The following TMEM272 variants were observed in gnomAD, a reference collection of about 807,000 sequenced individuals.
TMEM272 encodes the protein transmembrane protein 272.
TMEM272 carries 8 observed loss-of-function variants against 3.7 expected under a neutral mutation model. The ratio of observed to expected loss-of-function variants is 2.17; its 90% CI spans 1.27 to 3.91. TMEM272 has a LOEUF of 3.91. Ranked by LOEUF, TMEM272 falls within the 30% of genes most tolerant of loss-of-function variation. The probability of loss-of-function intolerance (pLI) is 0.00; values close to 1 mark genes in which losing one functional copy is unlikely to be tolerated. For synonymous variants in TMEM272, 63 were observed against 39.8 expected, an observed-to-expected ratio of 1.58 and a Z score of -2.20; for missense variants, 166 against 91.5, an observed-to-expected ratio of 1.81 and a Z score of -3.32.
At chr13:51,825,553 C>G (rs1315986860) in intron 3 of TMEM272, among the ~76,000 whole-genome samples, 1 of 151,888 alleles carries the variant, frequency 6.6e-6, no homozygotes, top group Non-Finnish European at 1.5e-5. Context: ...AACTCCTATG[C>G]TCTTTTACTT....
the TMEM272 span, chr13:51,908,952 C>T: frequency 2.2e-6 from 3 of 1,383,586 alleles, no homozygotes; most frequent in African/African-American, 2.8e-5. Context: ...CCCTGGGCCT[C>T]TTGGGTCTCT....
chr13:51,894,587 G>A, the TMEM272 span, among the ~76,000 whole-genome samples: 5 of 152,284 alleles, frequency 3.3e-5, no homozygotes, highest in African/African-American at 7.2e-5. Context: ...AGAAGCAGAT[G>A]CCCAGTGGAT....
chr13:51,841,699 T>C (rs2139589959), intron 1 of TMEM272, among the ~76,000 whole-genome samples: 1 of 152,364 alleles, frequency 6.6e-6, no homozygotes, highest in East Asian at 1.9e-4. Context: ...GATATCTTTA[T>C]TGATAATATC....
At chr13:51,921,475 G>A in the TMEM272 span, 1 of 152,266 alleles carries the variant, frequency 6.6e-6, no homozygotes, top group Non-Finnish European at 1.5e-5. Context: ...TCAGTCTTCA[G>A]TGTCTAAGCT....
intron 1 of TMEM272, among the ~76,000 whole-genome samples, chr13:51,840,073 G>T (rs1414473842): frequency 6.6e-6 from 1 of 152,160 alleles, no homozygotes; most frequent in Non-Finnish European, 1.5e-5. Context: ...CCATTTTACA[G>T]AGAAAACCAA....
Position 51,816,379 on chromosome 13 carries a change from C to T in TMEM272, c.*372G>A, listed in dbSNP as rs759639397. Reference sequence around the variant, plus strand: ...GGCTGAATGACAGCAGCAGTAGCAACAACCAACCTTGCTCTTGCACCAGTC... The same window carrying T: ...GGCTGAATGACAGCAGCAGTAGCAATAACCAACCTTGCTCTTGCACCAGTC... On this transcript the variant is annotated 3_prime_UTR_variant, in exon 5 of 5. Coordinates refer to ENST00000629372, the MANE Select transcript of TMEM272 (RefSeq NM_001351003.2). 2.7e-5 allele frequency: 5 copies of T among 184,194 alleles called. No homozygotes were observed. Among genetic ancestry groups the T allele is most frequent in the Non-Finnish European group, 4.6e-5 (4 of 86,488 alleles). 11.4% of individuals were successfully genotyped at this position (184,194 alleles called of 1,614,324 possible).
chr13:51,882,755 C>A, the TMEM272 span, among the ~76,000 whole-genome samples: 2 of 151,030 alleles, frequency 1.3e-5, no homozygotes, highest in Admixed American at 6.6e-5. Flanking sequence ...AAATAAATAA[C>A]AAATAAAAAA....
chr13:51,883,244 C>A, the TMEM272 span, among the ~76,000 whole-genome samples: 2 of 152,192 alleles, frequency 1.3e-5, no homozygotes, highest in African/African-American at 4.8e-5. Context: ...CAAATGGGGG[C>A]ACGTTACAGC....
the TMEM272 span, among the ~76,000 whole-genome samples, chr13:51,914,329 C>T: frequency 6.6e-6 from 1 of 152,224 alleles, no homozygotes; most frequent in Non-Finnish European, 1.5e-5. Flanking sequence ...GAAATTGACG[C>T]TTAGCAGGGC....
At chr13:51,922,911 C>A in the TMEM272 span, among the ~76,000 whole-genome samples, 1 of 152,218 alleles carries the variant, frequency 6.6e-6, no homozygotes, top group South Asian at 2.1e-4. Flanking sequence ...TTGTGATTAT[C>A]TGGGGCCACC....
chr13:51,865,569 A>G, the TMEM272 span: 2 of 1,614,078 alleles, frequency 1.2e-6, no homozygotes, highest in African/African-American at 2.7e-5. Context: ...AAAATAGAGG[A>G]CTTCAGGGAA....
Position 51,822,149 on chromosome 13 carries a change from A to ATG in TMEM272, c.119-13_119-12insCA. The ATG allele has an allele frequency of 1.4e-6, 1 of 692,434 alleles. No homozygotes were observed. The allele number at this position is 692,434 out of a possible 1,614,324, so 42.9% of individuals were successfully genotyped here. A position where few individuals can be genotyped will look rare whatever the true frequency, so the allele number is the denominator to read the frequency against. On this transcript the variant is annotated splice_polypyrimidine_tract_variant and intron_variant, in intron 3 of 4. Transcript: ENST00000629372. ...CAAAAATTTCATTCCTACATAGGGCAAACAGAAGAGGATTGAGAGAAATAC... is the reference window on the plus strand; with the variant it reads ...CAAAAATTTCATTCCTACATAGGGCATGAACAGAAGAGGATTGAGAGAAATAC...
the TMEM272 span, among the ~76,000 whole-genome samples, chr13:51,868,127 C>T: frequency 1.3e-5 from 2 of 152,230 alleles, no homozygotes; most frequent in African/African-American, 4.8e-5. Context: ...CCCTTTGCTA[C>T]ATAAATCATT....
At chr13:51,830,300 CA>C (rs1390659882) in intron 2 of TMEM272, among the ~76,000 whole-genome samples, 3 of 152,224 alleles carry the variant, frequency 2.0e-5, no homozygotes, top group Non-Finnish European at 4.4e-5. Context: ...TACCTCCCAG[CA>C]GGGCTGAGAG....
At chr13:51,910,356 T>G in the TMEM272 span, 1 of 1,172,512 alleles carries the variant, frequency 8.5e-7, no homozygotes, top group South Asian at 1.2e-5. Flanking sequence ...TAGTCTACAT[T>G]TTTCTTCAAT....
At chr13:51,881,868 T>G in the TMEM272 span, among the ~76,000 whole-genome samples, 737 of 152,282 alleles carry the variant, frequency 4.8e-3, 2 homozygotes, top group Non-Finnish European at 8.2e-3. Context: ...GCTGAGGTTA[T>G]GGTATTCCAT....
At chr13:51,838,602 C>G (rs1185827160) in intron 1 of TMEM272, 49 bp from the exon 2 acceptor site, 3 of 702,830 alleles carry the variant, frequency 4.3e-6, no homozygotes, top group Non-Finnish European at 7.8e-6. Context: ...AGGATTTACT[C>G]AGCACCAATA....
At chr13:51,864,573 A>G in the TMEM272 span, among the ~76,000 whole-genome samples, 12 of 152,194 alleles carry the variant, frequency 7.9e-5, no homozygotes, top group South Asian at 2.1e-4. Flanking sequence ...CCATGTGGAT[A>G]TACTGCCATT....
the TMEM272 span, among the ~76,000 whole-genome samples, chr13:51,895,342 G>A: frequency 6.6e-6 from 1 of 152,192 alleles, no homozygotes; most frequent in African/African-American, 2.4e-5. Context: ...CCATTGTGGG[G>A]TGGGAAACTG....
Sources: gnomAD v4.1 joint callset for allele counts (sites outside exome capture counted in the v4.1 genomes callset) on GRCh38, gnomAD v4.1.1 for gene constraint, MANE v1.5 for transcripts, NCBI Gene and HGNC (gene_info 2026-07-23, HGNC 2026-07-21) for gene names.